DUOX1: variants seen among roughly 807,000 people sequenced by gnomAD.
DUOX1 encodes the protein NADPH thyroid oxidase 1.
DUOX1 carries 134 observed loss-of-function variants against 181.8 expected under a neutral mutation model. The observed-to-expected ratio is 0.74, with a 90% CI of 0.64 to 0.85. The LOEUF is 0.85. Among genes scored for constraint, DUOX1 ranks in the 40% least tolerant of loss-of-function variants. The probability of loss-of-function intolerance (pLI) is 0.00; values close to 1 mark genes in which losing one functional copy is unlikely to be tolerated. For missense variants in DUOX1, 1,814 were observed against 2,064.4 expected, an observed-to-expected ratio of 0.88 and a Z score of 2.35; for synonymous variants, 798 against 832.5, an observed-to-expected ratio of 0.96 and a Z score of 0.71.
chr15:45,131,702 A>T, intron 1 of DUOX1: 1 of 507,988 alleles, frequency 2.0e-6, no homozygotes, highest in African/African-American at 2.0e-5. Context: ...TTCGTCACTT[A>T]ATCTCCAGTG....
At chr15:45,135,068 T>C in intron 4 of DUOX1, 36 bp from the exon 5 acceptor site, 11 of 1,601,130 alleles carry the variant, frequency 6.9e-6, no homozygotes, top group Non-Finnish European at 9.4e-6. Context: ...AGTGGCCCTC[T>C]GCTTGCCCTA....
Position 45,164,853 on chromosome 15 carries a change from C to T in DUOX1, c.4608C>T (p.Ile1536=), listed in dbSNP as rs1484230474. Residue 1536 remains isoleucine (I), a synonymous_variant, in exon 34 of 34, where the codon ATC becomes ATT. Coordinates refer to ENST00000389037, the MANE Select transcript of DUOX1 (RefSeq NM_175940.3). ...ATGTGGAAAAGGCCTGTCAGCTCATCAACAGGCAGGACCGGACTCACTTCT... is the reference window on the plus strand; with the variant it reads ...ATGTGGAAAAGGCCTGTCAGCTCATTAACAGGCAGGACCGGACTCACTTCT... ...TKNVEKACQL[I]NRQDRTHFSH... is the part of the protein sequence containing the mutation. The T allele has an allele frequency of 6.2e-7, 1 of 1,614,002 alleles. No individual in the cohort carries two copies. Among genetic ancestry groups the T allele is most frequent in the Non-Finnish European group, 8.5e-7 (1 of 1,179,858 alleles).
chr15:45,160,153 C>T (rs1335097849), intron 28 of DUOX1, among the ~76,000 whole-genome samples: 2 of 151,948 alleles, frequency 1.3e-5, no homozygotes, highest in Non-Finnish European at 2.9e-5. Flanking sequence ...CTCTGTCCCC[C>T]CAACCCCCAA....
chr15:45,135,154 GCC>G lies in DUOX1; in HGVS notation c.359_360del (p.Ala120GlyfsTer174). 1 of 1,613,756 alleles carries G rather than the reference GCC, an allele frequency of 6.2e-7. No homozygotes were observed. Among genetic ancestry groups the G allele is most frequent in the Non-Finnish European group, 8.5e-7 (1 of 1,179,910 alleles). Reference sequence around the variant, plus strand: ...GAGCGTGGAAACTCCCGGCTGCCCCGCCGAGTTCCTCAACATTCGCATCCCGC... The same window carrying G: ...GAGCGTGGAAACTCCCGGCTGCCCCGGAGTTCCTCAACATTCGCATCCCGC... ...LVSVETPGCP[A>X]EFLNIRIPPG... On this transcript the variant is annotated frameshift_variant, in exon 5 of 34. Transcript: ENST00000389037. LOFTEE classifies it high-confidence loss of function.
chr15:45,151,391 A>G (rs1896798925), intron 23 of DUOX1, 143 bp downstream of exon 23: 1 of 1,104,846 alleles, frequency 9.1e-7, no homozygotes, highest in Non-Finnish European at 1.3e-6. Context: ...ATCACAATCT[A>G]AGAAGAGAAT....
chr15:45,147,453 C>T lies in DUOX1; in HGVS notation c.2343C>T (p.Ala781=), dbSNP rs143486047. 3.0e-3 allele frequency: 4,897 copies of T among 1,613,718 alleles called. 29 individuals are homozygous for T. The highest frequency in any genetic ancestry group is 0.024 in the Middle Eastern group (148 of 6,056). ...LFSQVLDINQ[A]DAGTLPLDSS... Reference sequence around the variant, plus strand: ...TGCAGGTGCTGGACATCAACCAGGCCGACGCAGGGACCCTGCCCCTGGACT... The same window carrying T: ...TGCAGGTGCTGGACATCAACCAGGCTGACGCAGGGACCCTGCCCCTGGACT... Residue 781 remains alanine (A), a synonymous_variant, in exon 19 of 34, where the codon GCC becomes GCT. Transcript: ENST00000389037.
intron 16 of DUOX1, 122 bp from the exon 17 acceptor site, chr15:45,143,914 C>A: frequency 1.1e-6 from 1 of 912,956 alleles, no homozygotes; most frequent in Non-Finnish European, 1.7e-6. Context: ...ACTCTCAGTA[C>A]CCCAGAAGGG....
intron 25 of DUOX1, 77 bp from the exon 26 acceptor site, chr15:45,153,303 T>C: frequency 9.6e-7 from 1 of 1,037,694 alleles, no homozygotes; most frequent in African/African-American, 1.7e-5. Flanking sequence ...CTGGCCAGGG[T>C]CCTCGATCTT....
Position 45,148,525 on chromosome 15 carries a change from A to T in DUOX1, c.2818+78A>T. The T allele has an allele frequency of 2.1e-6, 3 of 1,456,150 alleles. No individual in the cohort carries two copies. The South Asian group carries it at 4.3e-5, about 21-fold the overall frequency. 90.2% of individuals were successfully genotyped at this position (1,456,150 alleles called of 1,614,324 possible). A position where few individuals can be genotyped will look rare whatever the true frequency, so the allele number is the denominator to read the frequency against. On this transcript the variant is annotated intron_variant, in intron 21 of 33. Coordinates refer to ENST00000389037, the MANE Select transcript of DUOX1 (RefSeq NM_175940.3). ...AATGCCCACATACTTTTAGGAGTCCACAGAAATGTTTTAATTTCCATTAAA... is the reference window on the plus strand; with the variant it reads ...AATGCCCACATACTTTTAGGAGTCCTCAGAAATGTTTTAATTTCCATTAAA...
intron 10 of DUOX1, among the ~76,000 whole-genome samples, chr15:45,138,356 G>A (rs144452839): frequency 1.2e-4 from 19 of 152,196 alleles, no homozygotes; most frequent in Middle Eastern, 3.4e-3. Flanking sequence ...AGCTTTGGGC[G>A]TCCTGTAGGC....
At chr15:45,150,836 T>A in intron 22 of DUOX1, 135 bp downstream of exon 22, 1 of 888,960 alleles carries the variant, frequency 1.1e-6, no homozygotes, top group Non-Finnish European at 1.7e-6. Context: ...CCCCTTTCTC[T>A]AGGCAGACAC....
At chr15:45,142,270 G>T (rs566518743) in intron 15 of DUOX1, among the ~76,000 whole-genome samples, 158 bp downstream of exon 15, 10 of 152,208 alleles carry the variant, frequency 6.6e-5, no homozygotes, top group Admixed American at 2.6e-4. Flanking sequence ...CAAGAGAAGT[G>T]TTTGACCTGC....
rs368236810 is a variant in DUOX1 at position 45,163,563 on chromosome 15, G to A, written c.4280G>A (p.Arg1427His). 15 of 1,614,020 alleles carry A rather than the reference G, an allele frequency of 9.3e-6. No homozygotes were observed. Among genetic ancestry groups the A allele is most frequent in the African/African-American group, 5.3e-5 (4 of 74,918 alleles). ...TTCATCTGGGTGACGCGGACCCAGC[G>A]TCAGTTTGAGTGGCTGGCTGACATC... The part of the protein sequence containing the change: ...IYFIWVTRTQ[R>H]QFEWLADIIR... The change falls in exon 32 of 34, where the codon CGT becomes CAT. Residue 1427 changes from arginine (R) to histidine (H), a missense_variant. Arg to His is a conservative substitution (Grantham distance 29). Coordinates refer to ENST00000389037, the MANE Select transcript of DUOX1 (RefSeq NM_175940.3).
intron 17 of DUOX1, 142 bp downstream of exon 17, chr15:45,144,377 AC>A: frequency 1.2e-6 from 1 of 868,126 alleles, no homozygotes; most frequent in Non-Finnish European, 1.8e-6. Context: ...CAGGTGGAGT[AC>A]CTGATAGAGA....
chr15:45,156,550 A>G (rs1210914962), intron 28 of DUOX1, among the ~76,000 whole-genome samples: 3 of 152,266 alleles, frequency 2.0e-5, no homozygotes, highest in African/African-American at 7.2e-5. Flanking sequence ...CTCCTGTCTC[A>G]GCCTCCTGAG....
At position 45,141,923 on chromosome 15, in the gene DUOX1, GCCAGCACCTGTGGC is replaced by G. The variant is rs2141266592; in HGVS notation, c.1685-43_1685-30del. ...ACCCTAACCTCCTCCGTGATCCTGT[GCCAGCACCTGTGGC>G]CCAGCACCCAGGACGCTGGCTTCCT... On this transcript the variant is annotated intron_variant, in intron 14 of 33. Coordinates refer to ENST00000389037, the MANE Select transcript of DUOX1 (RefSeq NM_175940.3). 3.8e-6 allele frequency: 6 copies of G among 1,570,804 alleles called. No individual in the cohort carries two copies. The South Asian group carries it at 4.7e-5, about 12-fold the overall frequency.
intron 18 of DUOX1, among the ~76,000 whole-genome samples, chr15:45,146,601 T>G (rs1404917712): frequency 2.6e-5 from 4 of 152,220 alleles, no homozygotes; most frequent in African/African-American, 9.6e-5. Flanking sequence ...GGAAATGAAT[T>G]CCAGGCAACC....
At chr15:45,149,880 A>G (rs1896759752) in intron 21 of DUOX1, among the ~76,000 whole-genome samples, 2 of 152,204 alleles carry the variant, frequency 1.3e-5, no homozygotes, top group South Asian at 4.1e-4. Flanking sequence ...TTTCACCTAG[A>G]TATGCTATTT....
intron 15 of DUOX1, among the ~76,000 whole-genome samples, chr15:45,142,878 G>A (rs1199337775): frequency 3.3e-5 from 5 of 152,060 alleles, no homozygotes; most frequent in Non-Finnish European, 7.4e-5. Flanking sequence ...AAGGCTGTGT[G>A]TGGGTCAGCT....
Sources: gnomAD v4.1 joint callset for allele counts (sites outside exome capture counted in the v4.1 genomes callset) on GRCh38, gnomAD v4.1.1 for gene constraint, MANE v1.5 for transcripts, NCBI Gene and HGNC (gene_info 2026-07-23, HGNC 2026-07-21) for gene names.